Variants in UCHL3 observed in about 807,000 individuals in gnomAD.
UCHL3 encodes the protein ubiquitin C-terminal hydrolase L3.
UCHL3 carries 22 observed loss-of-function variants against 35.8 expected under a neutral mutation model. That is an observed-to-expected ratio of 0.61 (90% CI 0.44 to 0.88). UCHL3 has a LOEUF of 0.88. Ranked by LOEUF, UCHL3 falls within the 40% of genes least tolerant of loss-of-function variation. UCHL3 has a pLI of 0.00. For synonymous variants in UCHL3, 90 were observed against 92.8 expected (o/e 0.97, Z 0.17); for missense variants, 229 against 276.9 (o/e 0.83, Z 1.23).
chr13:75,580,501 C>T (rs2032149596), intron 6 of UCHL3, among the ~76,000 whole-genome samples: 1 of 152,064 alleles, frequency 6.6e-6, no homozygotes, highest in Admixed American at 6.6e-5. Context: ...GAGATGTTCC[C>T]AATTATTTTC....
In UCHL3 at chr13:75,604,774, C is replaced by T. The variant is rs776173957; in HGVS notation, c.556C>T (p.Arg186Trp). The change falls in exon 8 of 9, where the codon CGG (arginine) becomes TGG (tryptophan). Residue 186 changes from arginine to tryptophan, a missense_variant. Arg to Trp is a moderately radical substitution (Grantham distance 101). Coordinates refer to ENST00000377595, the MANE Select transcript of UCHL3 (RefSeq NM_006002.5). ...VDGHLYELDG[R>W]KPFPINHGET... ...TGTTTGTCTGTTTTCCACAGATGGG[C>T]GGAAGCCATTTCCAATTAACCATGG... 11 of 1,596,526 alleles carry T rather than the reference C, an allele frequency of 6.9e-6. No individual in the cohort carries two copies. Among genetic ancestry groups the T allele is most frequent in the East Asian group, 2.3e-5 (1 of 43,650 alleles).
chr13:75,572,300 A>G (rs1463604868), intron 6 of UCHL3, among the ~76,000 whole-genome samples: 1 of 152,196 alleles, frequency 6.6e-6, no homozygotes, highest in Non-Finnish European at 1.5e-5. Context: ...AACTCTTTAT[A>G]TGACTACTCC....
intron 2 of UCHL3, among the ~76,000 whole-genome samples, chr13:75,552,502 C>T (rs1413679895): frequency 6.6e-6 from 1 of 152,190 alleles, no homozygotes; most frequent in South Asian, 2.1e-4. Flanking sequence ...CACATGTCTA[C>T]TATATGCAGA....
At chr13:75,577,124 T>C (rs1447983270) in intron 6 of UCHL3, among the ~76,000 whole-genome samples, 4 of 152,124 alleles carry the variant, frequency 2.6e-5, no homozygotes, top group African/African-American at 9.7e-5. Flanking sequence ...GCACCTGTAG[T>C]TCCAGCTACT....
chr13:75,592,330 C>T (rs188748352), intron 6 of UCHL3, among the ~76,000 whole-genome samples: 2,838 of 147,268 alleles, frequency 0.019, 33 homozygotes, highest in Non-Finnish European at 0.03. Context: ...AATAGTCATA[C>T]TACATCTATG....
intron 7 of UCHL3, among the ~76,000 whole-genome samples, chr13:75,597,881 T>TAAC (rs1438654268): frequency 6.6e-6 from 1 of 152,208 alleles, no homozygotes; most frequent in Non-Finnish European, 1.5e-5. Context: ...ATTGTAAGGT[T>TAAC]AACCAATGAA....
chr13:75,601,313 T>G (rs1195463079), intron 7 of UCHL3, among the ~76,000 whole-genome samples: 3 of 152,248 alleles, frequency 2.0e-5, no homozygotes, highest in Non-Finnish European at 4.4e-5. Flanking sequence ...GAAGTTCTCC[T>G]GTGGGTAAAG....
At chr13:75,549,512 G>C, upstream of UCHL3, 1 of 368,668 alleles carries the variant, frequency 2.7e-6, no homozygotes, top group Non-Finnish European at 4.8e-6. Flanking sequence ...GCTCGGCAAG[G>C]CTCGGCTCGG....
chr13:75,574,033 C>G (rs968710535), intron 6 of UCHL3, among the ~76,000 whole-genome samples: 1 of 152,134 alleles, frequency 6.6e-6, no homozygotes, highest in African/African-American at 2.4e-5. Flanking sequence ...CTGGCTAACA[C>G]AGTGAAACCC....
rs146314872 is a variant in UCHL3 at position 75,599,797 on chromosome 13, G to C, written c.550+4807G>C. On this transcript the variant is annotated intron_variant, in intron 7 of 8. Transcript: ENST00000377595. ...CCAGATAATAACCCTACAAAGGCCT[G>C]TAAGCATTCAAGTCACACGTCTCTC... 1.8e-4 allele frequency among the ~76,000 whole-genome samples: 27 copies of C among 152,248 alleles called. No individual in the cohort carries two copies. The East Asian group carries it at 4.8e-3, about 27-fold the overall frequency.
intron 6 of UCHL3, among the ~76,000 whole-genome samples, chr13:75,589,578 G>C (rs1297069931): frequency 2.0e-5 from 3 of 151,618 alleles, no homozygotes; most frequent in African/African-American, 7.3e-5. Flanking sequence ...TATTCTTTGT[G>C]CATTTTATAT....
At chr13:75,565,786 C>G (rs894093937) in intron 3 of UCHL3, among the ~76,000 whole-genome samples, 1 of 152,204 alleles carries the variant, frequency 6.6e-6, no homozygotes, top group Non-Finnish European at 1.5e-5. Context: ...TCCTCCCCAC[C>G]TCACCGATTT....
chr13:75,573,963 A>T (rs1038727395), intron 6 of UCHL3, among the ~76,000 whole-genome samples: 2 of 152,154 alleles, frequency 1.3e-5, no homozygotes, highest in Non-Finnish European at 2.9e-5. Context: ...CACGCCTGTA[A>T]TCCCAGTACT....
intron 2 of UCHL3, among the ~76,000 whole-genome samples, chr13:75,555,800 C>T (rs933782562): frequency 1.1e-4 from 16 of 151,954 alleles, no homozygotes; most frequent in African/African-American, 3.9e-4. Flanking sequence ...ACTATGTTGC[C>T]CAGGCTGGCC....
At chr13:75,592,450 A>ATG (rs1555276777) in intron 6 of UCHL3, among the ~76,000 whole-genome samples, 28 of 118,986 alleles carry the variant, frequency 2.4e-4, no homozygotes, top group Non-Finnish European at 4.0e-4. Context: ...ATATATATAT[A>ATG]TATATATATA....
intron 3 of UCHL3, among the ~76,000 whole-genome samples, chr13:75,565,833 T>C (rs1483403000): frequency 6.6e-6 from 1 of 152,210 alleles, no homozygotes; most frequent in Non-Finnish European, 1.5e-5. Context: ...TTTCTTACTA[T>C]TAGGAAACTG....
chr13:75,605,710 T>C lies in UCHL3; in HGVS notation c.610-19T>C, dbSNP rs777909327. The C allele has an allele frequency of 1.0e-5, 14 of 1,394,826 alleles. No individual in the cohort carries two copies. Among genetic ancestry groups the C allele is most frequent in the Non-Finnish European group, 1.4e-5 (14 of 1,022,988 alleles). 86.4% of individuals were successfully genotyped at this position (1,394,826 alleles called of 1,614,324 possible). A position where few individuals can be genotyped will look rare whatever the true frequency, so the allele number is the denominator to read the frequency against. ...ACACTTTTACACTGAAAAATCATACTTTTTTTTTTCCTCCATAGGATGCCA... is the reference window on the plus strand; with the variant it reads ...ACACTTTTACACTGAAAAATCATACCTTTTTTTTTCCTCCATAGGATGCCA... On this transcript the variant is annotated intron_variant, in intron 8 of 8. Transcript: ENST00000377595.
chr13:75,564,693 TGTG>T (rs889910427), intron 3 of UCHL3, among the ~76,000 whole-genome samples: 1 of 151,932 alleles, frequency 6.6e-6, no homozygotes, highest in African/African-American at 2.4e-5. Context: ...ATGATAGTGT[TGTG>T]TTGTTATCAT....
intron 3 of UCHL3, 124 bp downstream of exon 3, chr13:75,561,005 ACTG>A: frequency 1.1e-6 from 1 of 871,682 alleles, no homozygotes; most frequent in Non-Finnish European, 1.6e-6. Context: ...ATCATGGCTT[ACTG>A]CAGTCTCAAC....
Sources: gnomAD v4.1 joint callset for allele counts (sites outside exome capture counted in the v4.1 genomes callset) on GRCh38, gnomAD v4.1.1 for gene constraint, MANE v1.5 for transcripts, NCBI Gene and HGNC (gene_info 2026-07-23, HGNC 2026-07-21) for gene names.